Variants in MTPN observed in about 807,000 individuals in gnomAD.
The protein encoded by MTPN is granule cell differentiation protein.
A neutral mutation model predicts 13.5 loss-of-function variants in MTPN; 2 were observed. The observed-to-expected ratio is 0.15, with a 90% CI of 0.06 to 0.47. The LOEUF (loss-of-function observed/expected upper bound fraction) is 0.47. MTPN is among the 20% of genes least tolerant of loss of function. The probability of loss-of-function intolerance (pLI) is 0.97; values close to 1 mark genes in which losing one functional copy is unlikely to be tolerated. For missense variants in MTPN, 79 were observed against 137.9 expected (o/e 0.57, Z 2.14); for synonymous variants, 46 against 51.7 (o/e 0.89, Z 0.48).
chr7:135,948,604 G>A (rs1799318519), intron 3 of MTPN, among the ~76,000 whole-genome samples: 1 of 152,124 alleles, frequency 6.6e-6, no homozygotes. Flanking sequence ...CTCATTTAAT[G>A]TTTTCAACTC....
At position 135,937,295 on chromosome 7, in the gene MTPN, T is replaced by A. The variant is rs536959293; in HGVS notation, c.271-7283A>T. On this transcript the variant is annotated intron_variant, in intron 3 of 3. Coordinates refer to ENST00000393085, the MANE Select transcript of MTPN (RefSeq NM_145808.4). ...AGCAGCTTTGTTTCCATGCAAAATTTAAAAAATTTACAAATAAAATCAGGC... is the reference window on the plus strand; with the variant it reads ...AGCAGCTTTGTTTCCATGCAAAATTAAAAAAATTTACAAATAAAATCAGGC... Among the ~76,000 whole-genome samples the A allele has an allele frequency of 1.2e-3, 177 of 151,980 alleles. 5 individuals are homozygous for A. The highest frequency in any genetic ancestry group is 0.011 in the Admixed American group (173 of 15,246).
Position 135,929,333 on chromosome 7 carries a change from A to G in MTPN, c.*593T>C, listed in dbSNP as rs1454751412. ...AAGTTCAGTCATCCAGCAATTTAGG[A>G]GTGTGCCCCTCCTCACCTTAACTAA... On this transcript the variant is annotated 3_prime_UTR_variant, in exon 4 of 4. Transcript: ENST00000393085. 6.0e-6 allele frequency: 1 copy of G among 167,114 alleles called. No homozygotes were observed. The highest frequency in any genetic ancestry group is 1.5e-5 in the Non-Finnish European group (1 of 68,166). The allele number at this position is 167,114 out of a possible 1,614,324, so 10.4% of individuals were successfully genotyped here.
chr7:135,944,022 A>G (rs1184882374), intron 3 of MTPN, among the ~76,000 whole-genome samples: 2 of 152,148 alleles, frequency 1.3e-5, no homozygotes, highest in Admixed American at 6.6e-5. Flanking sequence ...CTATTTATTT[A>G]TAAGAATTCG....
intron 1 of MTPN, among the ~76,000 whole-genome samples, chr7:135,964,497 G>A (rs895828661): frequency 6.6e-6 from 1 of 152,020 alleles, no homozygotes; most frequent in African/African-American, 2.4e-5. Context: ...ATTTTGGAAC[G>A]TTTTTGGTGA....
Position 135,929,853 on chromosome 7 carries a change from G to GTGAC in MTPN, c.*69_*72dup. Reference sequence around the variant, plus strand: ...AGCTGAAGAAGCTGGCAGATAGAGAGTGACAGACAGACAGGCAGCAGTGTG... The same window carrying GTGAC: ...AGCTGAAGAAGCTGGCAGATAGAGAGTGACTGACAGACAGACAGGCAGCAGTGTG... On this transcript the variant is annotated 3_prime_UTR_variant, in exon 4 of 4. Coordinates refer to ENST00000393085, the MANE Select transcript of MTPN (RefSeq NM_145808.4). 7.1e-7 allele frequency: 1 copy of GTGAC among 1,406,624 alleles called. No homozygotes were observed. Among genetic ancestry groups the GTGAC allele is most frequent in the South Asian group, 1.2e-5 (1 of 86,900 alleles). The allele number at this position is 1,406,624 out of a possible 1,614,324, so 87.1% of individuals were successfully genotyped here. A position where few individuals can be genotyped will look rare whatever the true frequency, so the allele number is the denominator to read the frequency against.
At chr7:135,940,717 G>A (rs191110233) in intron 3 of MTPN, among the ~76,000 whole-genome samples, 1 of 152,144 alleles carries the variant, frequency 6.6e-6, no homozygotes, top group East Asian at 1.9e-4. Context: ...CCCCCAAAAT[G>A]TTAGGGACAA....
At chr7:135,948,529 G>C (rs930723393) in intron 3 of MTPN, among the ~76,000 whole-genome samples, 7 of 152,138 alleles carry the variant, frequency 4.6e-5, no homozygotes, top group African/African-American at 1.7e-4. Flanking sequence ...TACACACACA[G>C]AGAACCTTCT....
intron 2 of MTPN, among the ~76,000 whole-genome samples, chr7:135,951,071 T>C (rs117120509): frequency 0.018 from 2,705 of 152,290 alleles, 34 homozygotes; most frequent in Non-Finnish European, 0.028. Flanking sequence ...CCGGGTAGCA[T>C]GGCATCCCCT....
At chr7:135,934,133 T>A (rs1799075097) in intron 3 of MTPN, among the ~76,000 whole-genome samples, 2 of 152,200 alleles carry the variant, frequency 1.3e-5, no homozygotes, top group Non-Finnish European at 2.9e-5. Context: ...TATAGCAGTG[T>A]AAGAACAGAC....
At chr7:135,952,724 G>A (rs754318730) in intron 1 of MTPN, among the ~76,000 whole-genome samples, 2 of 152,140 alleles carry the variant, frequency 1.3e-5, no homozygotes, top group South Asian at 2.1e-4. Context: ...CACTTTGGGA[G>A]GCCAAGACTG....
At chr7:135,972,188 C>T (rs1269580225) in intron 1 of MTPN, among the ~76,000 whole-genome samples, 1 of 151,454 alleles carries the variant, frequency 6.6e-6, no homozygotes, top group African/African-American at 2.4e-5. Context: ...TTAAAGCAAA[C>T]TGATATGGTT....
rs914664711 is a variant in MTPN at position 135,929,297 on chromosome 7, G to A, written c.*629C>T. 1.8e-5 allele frequency: 3 copies of A among 167,030 alleles called. No homozygotes were observed. Among genetic ancestry groups the A allele is most frequent in the African/African-American group, 7.2e-5 (3 of 41,438 alleles). The allele number at this position is 167,030 out of a possible 1,614,324, so 10.3% of individuals were successfully genotyped here. A position where few individuals can be genotyped will look rare whatever the true frequency, so the allele number is the denominator to read the frequency against. On this transcript the variant is annotated 3_prime_UTR_variant, in exon 4 of 4. Coordinates refer to ENST00000393085, the MANE Select transcript of MTPN (RefSeq NM_145808.4). The stretch of plus-strand genomic sequence containing the variant: ...GACATGAAATCCATGTGAAAGGGGA[G>A]AGAAAATCCAAAGTTCAGTCATCCA...
At chr7:135,945,308 C>T (rs1334762918) in intron 3 of MTPN, among the ~76,000 whole-genome samples, 2 of 152,002 alleles carry the variant, frequency 1.3e-5, no homozygotes, top group East Asian at 3.9e-4. Context: ...CTTTTTTCAG[C>T]AATAAATTAA....
chr7:135,970,425 T>C (rs1799676800), intron 1 of MTPN, among the ~76,000 whole-genome samples: 5 of 152,222 alleles, frequency 3.3e-5, no homozygotes, highest in Admixed American at 1.3e-4. Context: ...TTAGGAGTTA[T>C]CTAAATAGTA....
intron 1 of MTPN, among the ~76,000 whole-genome samples, chr7:135,954,758 C>T (rs1203255914): frequency 7.9e-5 from 12 of 152,052 alleles, no homozygotes; most frequent in Admixed American, 7.9e-4. Flanking sequence ...CTTGCTAACA[C>T]GGTGAAACCC....
At chr7:135,974,959 C>T (rs1163654872) in intron 1 of MTPN, among the ~76,000 whole-genome samples, 9 of 152,274 alleles carry the variant, frequency 5.9e-5, no homozygotes, top group Admixed American at 5.2e-4. Flanking sequence ...ATCTTCAAAA[C>T]TAAGAAAGGA....
intron 3 of MTPN, among the ~76,000 whole-genome samples, chr7:135,938,983 T>TC (rs1302396614): frequency 2.0e-5 from 3 of 152,088 alleles, no homozygotes; most frequent in Non-Finnish European, 4.4e-5. Context: ...AGGCTTTTTT[T>TC]CCCCCCACAG....
chr7:135,940,888 GTGAATCTTTAC>G (rs1799198137), intron 3 of MTPN, among the ~76,000 whole-genome samples: 1 of 152,162 alleles, frequency 6.6e-6, no homozygotes, highest in Admixed American at 6.5e-5. Context: ...AGTCCATTCT[GTGAATCTTTAC>G]TGAGTTTCTA....
At chr7:135,972,319 C>A (rs577440351) in intron 1 of MTPN, among the ~76,000 whole-genome samples, 3 of 152,018 alleles carry the variant, frequency 2.0e-5, no homozygotes, top group Non-Finnish European at 2.9e-5. Flanking sequence ...TAGTTTGTGA[C>A]CTTGTCAAGT....
Sources: allele counts gnomAD v4.1 joint callset (sites outside exome capture counted in the v4.1 genomes callset), GRCh38; gene constraint gnomAD v4.1.1; transcripts MANE v1.5; gene names NCBI Gene and HGNC (gene_info 2026-07-23, HGNC 2026-07-21).